Variants in ATP9A observed in about 807,000 individuals in gnomAD.
ATP9A encodes ATPase phospholipid transporting 9A.
A neutral mutation model predicts 144.1 loss-of-function variants in ATP9A; 52 were observed. That is an observed-to-expected ratio of 0.36 (90% confidence interval 0.29 to 0.45). The LOEUF (loss-of-function observed/expected upper bound fraction) is 0.45. ATP9A is among the 20% of genes least tolerant of loss of function. The probability of loss-of-function intolerance (pLI) is 1.00; values close to 1 mark genes in which losing one functional copy is unlikely to be tolerated. For synonymous variants in ATP9A, 582 were observed against 557.4 expected, an observed-to-expected ratio of 1.04 and a Z score of -0.62; for missense variants, 947 against 1,392.7, an observed-to-expected ratio of 0.68 and a Z score of 5.09.
chr20:51,657,669 C>A (rs1241251499), intron 13 of ATP9A, among the ~76,000 whole-genome samples: 1 of 152,208 alleles, frequency 6.6e-6, no homozygotes, highest in South Asian at 2.1e-4. Flanking sequence ...CGGCTTAGAA[C>A]CACTGTTTAA....
intron 15 of ATP9A, among the ~76,000 whole-genome samples, chr20:51,634,103 GCTGGAAGACA>G (rs1331802538): frequency 6.6e-6 from 1 of 152,124 alleles, no homozygotes; most frequent in Non-Finnish European, 1.5e-5. Flanking sequence ...TGTTCTTCCT[GCTGGAAGACA>G]CACGAGCCAC....
chr20:51,715,508 G>A (rs576402335), intron 3 of ATP9A, among the ~76,000 whole-genome samples: 3 of 152,250 alleles, frequency 2.0e-5, no homozygotes, highest in South Asian at 2.1e-4. Flanking sequence ...TTCTCTCTGC[G>A]TGGGCCTGGC....
chr20:51,701,799 T>C (rs2077594218), intron 4 of ATP9A, among the ~76,000 whole-genome samples: 1 of 152,214 alleles, frequency 6.6e-6, no homozygotes, highest in Non-Finnish European at 1.5e-5. Context: ...GACTCTCCCC[T>C]TCTGTTGAGC....
At chr20:51,760,002 T>C (rs62228188) in intron 1 of ATP9A, among the ~76,000 whole-genome samples, 10 of 152,154 alleles carry the variant, frequency 6.6e-5, no homozygotes, top group Non-Finnish European at 1.5e-4. Flanking sequence ...ACAAGGCTTC[T>C]CATTGCAGCT....
intron 4 of ATP9A, among the ~76,000 whole-genome samples, chr20:51,702,748 T>C (rs1205590204): frequency 6.6e-6 from 1 of 152,152 alleles, no homozygotes; most frequent in Non-Finnish European, 1.5e-5. Context: ...GCAACCACTA[T>C]TCTGAGTCTT....
intron 15 of ATP9A, among the ~76,000 whole-genome samples, chr20:51,635,184 G>A (rs1420394958): frequency 1.3e-5 from 2 of 152,228 alleles, no homozygotes; most frequent in Non-Finnish European, 2.9e-5. Context: ...TGACAGGGGA[G>A]CTGACTACAG....
intron 4 of ATP9A, among the ~76,000 whole-genome samples, chr20:51,699,224 C>T (rs1340776707): frequency 6.6e-6 from 1 of 150,594 alleles, no homozygotes; most frequent in African/African-American, 2.4e-5. Flanking sequence ...CACGTGTAAT[C>T]TCAGCTACTG....
At position 51,755,691 on chromosome 20, in the gene ATP9A, C is replaced by T. The variant is rs930804540; in HGVS notation, c.68+12611G>A. Among the ~76,000 whole-genome samples, 14 of 150,406 alleles carry T rather than the reference C, an allele frequency of 9.3e-5. No homozygotes were observed. In the East Asian group the frequency reaches 1.4e-3, roughly 15 times the overall value. On this transcript the variant is annotated intron_variant, in intron 1 of 27. Coordinates refer to ENST00000338821, the MANE Select transcript of ATP9A (RefSeq NM_006045.3). ...CAAGAATGTTCATAGCAGCCGGGCG[C>T]GGTGGCTCACGCCTGTAATCCCAGC...
intron 3 of ATP9A, among the ~76,000 whole-genome samples, 173 bp downstream of exon 3, chr20:51,725,646 T>A (rs2077708994): frequency 6.6e-6 from 1 of 152,220 alleles, no homozygotes; most frequent in Admixed American, 6.5e-5. Context: ...CCAGGCGGTA[T>A]ATGAAATGGA....
At chr20:51,743,097 A>T (rs2077791958) in intron 1 of ATP9A, among the ~76,000 whole-genome samples, 1 of 152,194 alleles carries the variant, frequency 6.6e-6, no homozygotes, top group Non-Finnish European at 1.5e-5. Flanking sequence ...TCCAAACAAG[A>T]GAAGTGACAG....
chr20:51,736,503 T>TG (rs397686290), intron 1 of ATP9A, among the ~76,000 whole-genome samples: 1 of 134,582 alleles, frequency 7.4e-6, no homozygotes, highest in Non-Finnish European at 1.5e-5. Context: ...TTTTTTTTTT[T>TG]GTCTTTTGTT....
In ATP9A at chr20:51,689,123, G is replaced by C. The variant is rs781211894; in HGVS notation, c.740C>G (p.Pro247Arg). 5.6e-6 allele frequency: 9 copies of C among 1,613,682 alleles called. No homozygotes were observed. In the South Asian group the frequency reaches 9.9e-5, roughly 18 times the overall value. The change falls in exon 9 of 28, where the codon CCG becomes CGG. Residue 247 changes from proline to arginine, a missense_variant. Around this residue, in one of 2 missense-constraint regions of ATP9A, gnomAD observed 770 missense variants for 1,047.9 expected, o/e 0.73. Coordinates refer to ENST00000338821, the MANE Select transcript of ATP9A (RefSeq NM_006045.3). ...GTFTREDSDP[P>R]ISESLSIENT... ...CTCTATGCTCAGGCTCTCGCTGATC[G>C]GGGGGTCGCTGTCTTCCTGGAAAAG... is the stretch of plus-strand genomic sequence containing the variant.
At chr20:51,703,942 A>T in intron 4 of ATP9A, among the ~76,000 whole-genome samples, 1 of 152,128 alleles carries the variant, frequency 6.6e-6, no homozygotes, top group East Asian at 1.9e-4. Context: ...TCTAACTGTG[A>T]CAGTGATGAG....
At chr20:51,625,147 T>C in intron 18 of ATP9A, 45 bp downstream of exon 18, 1 of 1,563,784 alleles carries the variant, frequency 6.4e-7, no homozygotes, top group Non-Finnish European at 8.7e-7. Context: ...GAGGGATAAC[T>C]GGCATTGCCC....
Position 51,694,026 on chromosome 20 carries a change from C to T in ATP9A, c.624G>A (p.Gln208=), listed in dbSNP as rs775052137. ...WKLRLPVACT[Q]RLPTAADLLQ... is the part of the protein sequence containing the mutation. Reference sequence around the variant, plus strand: ...TACTCACGGCGGCCGTGGGGAGCCTCTGCGTGCAGGCCACGGGAAGCCGCA... The same window carrying T: ...TACTCACGGCGGCCGTGGGGAGCCTTTGCGTGCAGGCCACGGGAAGCCGCA... The change falls in exon 7 of 28, where the codon CAG becomes CAA. Residue 208 remains glutamine (Q), a synonymous_variant. Transcript: ENST00000338821. 1.1e-5 allele frequency: 17 copies of T among 1,613,650 alleles called. No homozygotes were observed. The East Asian group carries it at 3.8e-4, about 36-fold the overall frequency.
intron 3 of ATP9A, among the ~76,000 whole-genome samples, chr20:51,719,083 G>A (rs1402684002): frequency 2.6e-5 from 4 of 151,300 alleles, no homozygotes; most frequent in Non-Finnish European, 4.4e-5. Flanking sequence ...AGCCAAGATC[G>A]AGCCACTGCA....
In ATP9A at chr20:51,629,024, C is replaced by T. The variant is rs1352083469; in HGVS notation, c.1717G>A (p.Val573Ile). 4 of 1,614,186 alleles carry T rather than the reference C, an allele frequency of 2.5e-6. No homozygotes were observed. The highest frequency in any genetic ancestry group is 3.4e-6 in the Non-Finnish European group (4 of 1,179,986). The change falls in exon 16 of 28, where the codon GTC (valine) becomes ATC (isoleucine). Residue 573 changes from valine to isoleucine, a missense_variant. Around this residue, in one of 2 missense-constraint regions of ATP9A, gnomAD observed 770 missense variants for 1,047.9 expected, o/e 0.73. Coordinates refer to ENST00000338821, the MANE Select transcript of ATP9A (RefSeq NM_006045.3). ...TTGTACTGCACAATGCCAGCCATGACCACATCTGCTCCCTTCATGTAAAAC... is the reference window on the plus strand; with the variant it reads ...TTGTACTGCACAATGCCAGCCATGATCACATCTGCTCCCTTCATGTAAAAC... ...ITFYMKGADV[V>I]MAGIVQYNDW...
At chr20:51,714,164 C>G (rs972816962) in intron 3 of ATP9A, among the ~76,000 whole-genome samples, 5 of 151,900 alleles carry the variant, frequency 3.3e-5, no homozygotes, top group Non-Finnish European at 7.4e-5. Flanking sequence ...CTCAGCCTCC[C>G]AAAGTGCTGG....
At chr20:51,674,553 G>A (rs1427153162) in intron 10 of ATP9A, among the ~76,000 whole-genome samples, 1 of 152,074 alleles carries the variant, frequency 6.6e-6, no homozygotes, top group Admixed American at 6.6e-5. Flanking sequence ...AGGCATCCAA[G>A]GGAACTCAAA....
Sources: allele counts gnomAD v4.1 joint callset (sites outside exome capture counted in the v4.1 genomes callset), GRCh38; gene constraint gnomAD v4.1.1; regional missense constraint gnomAD v4.1.1; transcripts MANE v1.5; gene names NCBI Gene and HGNC (gene_info 2026-07-23, HGNC 2026-07-21).